CREBRF: variants seen among roughly 807,000 people sequenced by gnomAD.
CREBRF encodes the protein CREB3 regulatory factor.
In CREBRF, 5 loss-of-function variants were observed where a neutral mutation model predicts 66.1. The observed-to-expected ratio is 0.08, with a 90% confidence interval of 0.04 to 0.16. The LOEUF (loss-of-function observed/expected upper bound fraction) is 0.16. CREBRF is among the 10% of genes least tolerant of loss of function. The pLI, the probability that CREBRF is intolerant of heterozygous loss-of-function variation, is 1.00. For synonymous variants in CREBRF, 229 were observed against 264.4 expected (o/e 0.87, Z 1.30); for missense variants, 531 against 744.9 (o/e 0.71, Z 3.34).
chr5:173,125,897 G>A (rs1469545267), intron 8 of CREBRF, among the ~76,000 whole-genome samples: 1 of 151,970 alleles, frequency 6.6e-6, no homozygotes, highest in East Asian at 1.9e-4. Context: ...AACATGGCAC[G>A]CCAGGTTTGG....
rs1302422215 is a variant in CREBRF at position 173,123,081 on chromosome 5, T to C, written c.1683T>C (p.Asp561=). The C allele has an allele frequency of 6.3e-7, 1 of 1,591,078 alleles. No homozygotes were observed. Among genetic ancestry groups the C allele is most frequent in the Non-Finnish European group, 8.5e-7 (1 of 1,174,420 alleles). ...VKLWGLNTEY[D]NLLFVINSIK... is the part of the protein sequence containing the mutation. Reference sequence around the variant, plus strand: ...CAAGTGTTTTGTTCTGTCTTACAGATAATTTATTGTTTGTAATCAACTCCA... The same window carrying C: ...CAAGTGTTTTGTTCTGTCTTACAGACAATTTATTGTTTGTAATCAACTCCA... The change falls in exon 8 of 9, where the codon GAT becomes GAC. Residue 561 remains aspartate, a splice_region_variant and synonymous_variant. Coordinates refer to ENST00000296953, the MANE Select transcript of CREBRF (RefSeq NM_153607.3).
At chr5:173,096,519 C>T (rs1440176069) in intron 4 of CREBRF, among the ~76,000 whole-genome samples, 1 of 129,628 alleles carries the variant, frequency 7.7e-6, no homozygotes, top group Non-Finnish European at 1.6e-5. Context: ...TCCCCTCTTG[C>T]CCCTTCCCCC....
At chr5:173,126,232 C>T (rs1464955714) in intron 8 of CREBRF, among the ~76,000 whole-genome samples, 1 of 152,074 alleles carries the variant, frequency 6.6e-6, no homozygotes, top group Non-Finnish European at 1.5e-5. Context: ...CCTCTGCCTC[C>T]CAGGTTCAAG....
intron 2 of CREBRF, among the ~76,000 whole-genome samples, chr5:173,084,791 G>A (rs1758083361): frequency 6.6e-6 from 1 of 151,798 alleles, no homozygotes; most frequent in Non-Finnish European, 1.5e-5. Context: ...GCAGGTGCCC[G>A]CCACCACACC....
intron 8 of CREBRF, among the ~76,000 whole-genome samples, chr5:173,127,468 T>G (rs1434484889): frequency 6.6e-6 from 1 of 150,388 alleles, no homozygotes; most frequent in Non-Finnish European, 1.5e-5. Context: ...TTTCTTTTTT[T>G]TTTTTTTTTG....
At chr5:173,117,203 A>T (rs1356077845) in intron 7 of CREBRF, among the ~76,000 whole-genome samples, 1 of 152,016 alleles carries the variant, frequency 6.6e-6, no homozygotes, top group African/African-American at 2.4e-5. Context: ...ACATAGTGAA[A>T]TCCCATTTCT....
chr5:173,091,800 T>C, intron 4 of CREBRF: 2 of 990,276 alleles, frequency 2.0e-6, no homozygotes, highest in African/African-American at 1.7e-5. Flanking sequence ...TATTCCTGTT[T>C]AGGGCCAGGC....
At chr5:173,058,201 C>G (rs139126223) in intron 1 of CREBRF, among the ~76,000 whole-genome samples, 2 of 152,184 alleles carry the variant, frequency 1.3e-5, no homozygotes, top group African/African-American at 4.8e-5. Flanking sequence ...TCGAAAATAA[C>G]TTATTTTAAT....
rs984454519 is a variant in CREBRF at position 173,134,971 on chromosome 5, T to G, written c.*1226T>G. The G allele has an allele frequency of 6.6e-6, 1 of 152,458 alleles. No homozygotes were observed. Among genetic ancestry groups the G allele is most frequent in the African/African-American group, 2.4e-5 (1 of 41,466 alleles). The allele number at this position is 152,458 out of a possible 1,614,324, so 9.4% of individuals were successfully genotyped here. ...TTTAATATATTTCATTTTAGTAAGCTATTGATAAAATAGTTTTTGACTTTG... is the reference window on the plus strand; with the variant it reads ...TTTAATATATTTCATTTTAGTAAGCGATTGATAAAATAGTTTTTGACTTTG... On this transcript the variant is annotated 3_prime_UTR_variant, in exon 9 of 9. Transcript: ENST00000296953.
chr5:173,067,736 A>G lies in CREBRF; in HGVS notation c.-192+11257A>G, dbSNP rs542171640. Among the ~76,000 whole-genome samples, 9 of 152,280 alleles carry G rather than the reference A, an allele frequency of 5.9e-5. 1 individual carries two copies. In the South Asian group the frequency reaches 1.7e-3, roughly 28 times the overall value. The stretch of plus-strand genomic sequence containing the variant: ...TAATTGGCCGGGTGCCGTGGCTCAC[A>G]CCTGTAATCCCAGCACTTTGGGAGG... On this transcript the variant is annotated intron_variant, in intron 1 of 8. Transcript: ENST00000296953.
chr5:173,105,512 C>T (rs1015818040), intron 4 of CREBRF, among the ~76,000 whole-genome samples: 1 of 151,930 alleles, frequency 6.6e-6, no homozygotes, highest in African/African-American at 2.4e-5. Context: ...CTGTTGTTGC[C>T]CAGGTTGGAG....
intron 1 of CREBRF, among the ~76,000 whole-genome samples, chr5:173,062,653 A>G (rs543193962): frequency 6.6e-6 from 1 of 151,962 alleles, no homozygotes; most frequent in South Asian, 2.1e-4. Flanking sequence ...CTATTTGGCA[A>G]ATGTGGATGG....
chr5:173,090,841 A>C lies in CREBRF; in HGVS notation c.662A>C (p.His221Pro). 3.1e-6 allele frequency: 5 copies of C among 1,614,232 alleles called. No homozygotes were observed. Among genetic ancestry groups the C allele is most frequent in the Non-Finnish European group, 4.2e-6 (5 of 1,180,046 alleles). ...TQIMVKTNMY[H>P]NEKVNFHVEC... The stretch of plus-strand genomic sequence containing the variant: ...ATCATGGTGAAGACCAACATGTATC[A>C]TAATGAAAAGGTGAACTTTCATGTT... The change falls in exon 4 of 9, where the codon CAT becomes CCT. Residue 221 changes from histidine (H) to proline (P), a missense_variant. His to Pro is a moderately conservative substitution (Grantham distance 77, BLOSUM62 -2). This residue lies in a region of CREBRF where 309 missense variants were observed against 341.4 expected (regional missense o/e 0.90). Transcript: ENST00000296953. This position sits in a 1 kb window ranked among gnomAD's most constrained non-coding sequence, Gnocchi z 4.5.
Position 173,090,649 on chromosome 5 carries a change from C to T in CREBRF, c.470C>T (p.Pro157Leu), listed in dbSNP as rs779367195. 13 of 1,614,100 alleles carry T rather than the reference C, an allele frequency of 8.1e-6. No individual in the cohort carries two copies. The highest frequency in any genetic ancestry group is 1.0e-5 in the Non-Finnish European group (12 of 1,180,006). The change falls in exon 4 of 9, where the codon CCC (proline) becomes CTC (leucine). Residue 157 changes from proline to leucine, a missense_variant. Physicochemically the swap from Pro to Leu is moderately conservative, Grantham distance 98. This residue lies in a region of CREBRF where 133 missense variants were observed against 215.6 expected (regional missense o/e 0.62). Transcript: ENST00000296953. The surrounding 1 kb of genome is among the most constrained non-coding windows in gnomAD (Gnocchi z 4.5). ...TCTGTTTCTGATTCCCTTTATTACC[C>T]CGATTCACTTTTCAGTGTCAAACAA... ...SQSVSDSLYY[P>L]DSLFSVKQNP... is the part of the protein sequence containing the mutation.
chr5:173,103,919 A>G (rs1016713071), intron 4 of CREBRF, among the ~76,000 whole-genome samples: 1 of 152,218 alleles, frequency 6.6e-6, no homozygotes, highest in African/African-American at 2.4e-5. Flanking sequence ...TAATCATGTC[A>G]GATAGCAATG....
chr5:173,087,432 T>C (rs1485287185), intron 3 of CREBRF, among the ~76,000 whole-genome samples: 1 of 151,662 alleles, frequency 6.6e-6, no homozygotes, highest in African/African-American at 2.4e-5. Context: ...GCATGGTGGC[T>C]CACGCCTGTA....
chr5:173,114,276 G>T (rs1298555257), intron 7 of CREBRF, among the ~76,000 whole-genome samples: 2 of 151,974 alleles, frequency 1.3e-5, no homozygotes, highest in Non-Finnish European at 2.9e-5. Flanking sequence ...TCTTACTATT[G>T]AAACATTTTG....
rs201937156 is a variant in CREBRF, at chr5:173,097,918, T to C, written c.1222+6517T>C. Among the ~76,000 whole-genome samples the C allele has an allele frequency of 4.6e-5, 7 of 152,130 alleles. No homozygotes were observed. The East Asian group carries it at 1.3e-3, about 29-fold the overall frequency. ...GTTATTTTCTTCCTTCTGCTAACTT[T>C]GGGTTAGTTCTTCTTTTTCTACTTC... On this transcript the variant is annotated intron_variant, in intron 4 of 8. Transcript: ENST00000296953.
At chr5:173,078,072 G>A (rs774705156) in intron 1 of CREBRF, among the ~76,000 whole-genome samples, 8 of 152,094 alleles carry the variant, frequency 5.3e-5, no homozygotes, top group Non-Finnish European at 1.2e-4. Context: ...ACTCTTTTAG[G>A]TATATACCTA....
Sources: allele counts gnomAD v4.1 joint callset (sites outside exome capture counted in the v4.1 genomes callset), GRCh38; gene constraint gnomAD v4.1.1; regional missense constraint gnomAD v4.1.1; non-coding constraint Gnocchi (gnomAD v3.1); transcripts MANE v1.5; gene names NCBI Gene and HGNC (gene_info 2026-07-23, HGNC 2026-07-21).